PTGES3: variants seen among roughly 807,000 people sequenced by gnomAD.
The protein encoded by PTGES3 is Hsp90 co-chaperone.
PTGES3 carries 5 observed loss-of-function variants against 29.9 expected under a neutral mutation model. The observed-to-expected ratio is 0.17, with a 90% CI of 0.09 to 0.35. The LOEUF is 0.35. PTGES3 is among the 10% of genes least tolerant of loss of function. PTGES3 has a pLI of 1.00. For missense variants in PTGES3, 128 were observed against 190.0 expected, an observed-to-expected ratio of 0.67 and a Z score of 1.92; for synonymous variants, 49 against 57.8, an observed-to-expected ratio of 0.85 and a Z score of 0.69.
chr12:56,687,879 C>T (rs1007484508), intron 1 of PTGES3, 119 bp downstream of exon 1: 183 of 1,572,642 alleles, frequency 1.2e-4, no homozygotes, highest in Non-Finnish European at 1.6e-4. Flanking sequence ...CCTCCCGCCC[C>T]CAGGCAGGAA....
intron 6 of PTGES3, chr12:56,665,102 A>G (rs1311915987): frequency 1.0e-6 from 1 of 985,242 alleles, no homozygotes; most frequent in African/African-American, 1.7e-5. Context: ...ATGGATCAAT[A>G]TGAAGAAAAA....
intron 1 of PTGES3, among the ~76,000 whole-genome samples, chr12:56,685,716 A>AT (rs1252324007): frequency 2.4e-5 from 3 of 126,476 alleles, no homozygotes; most frequent in African/African-American, 9.0e-5. Context: ...TAGCATTTTT[A>AT]TTTTTTAACT....
chr12:56,676,003 G>A (rs1952221882), intron 1 of PTGES3, among the ~76,000 whole-genome samples: 1 of 151,984 alleles, frequency 6.6e-6, no homozygotes, highest in Non-Finnish European at 1.5e-5. Flanking sequence ...AAGGCTGATG[G>A]ATCACCTGGG....
chr12:56,677,580 T>C (rs1952315726), intron 1 of PTGES3, among the ~76,000 whole-genome samples: 1 of 152,118 alleles, frequency 6.6e-6, no homozygotes, highest in Admixed American at 6.6e-5. Context: ...ATCAATGGAA[T>C]GTGTATGGCT....
intron 1 of PTGES3, 160 bp downstream of exon 1, chr12:56,687,838 C>A: frequency 6.8e-7 from 1 of 1,477,062 alleles, no homozygotes; most frequent in Non-Finnish European, 8.9e-7. Flanking sequence ...GTCCTCCACC[C>A]GCCAACGGTA....
At chr12:56,671,668 A>T in intron 4 of PTGES3, 81 bp downstream of exon 4, 1 of 862,616 alleles carries the variant, frequency 1.2e-6, no homozygotes, top group South Asian at 2.2e-5. Context: ...ACACAGCCAT[A>T]TTCCTTACAT....
intron 4 of PTGES3, 52 bp downstream of exon 4, chr12:56,671,697 A>T (rs1952013382): frequency 8.4e-7 from 1 of 1,185,330 alleles, no homozygotes; most frequent in Non-Finnish European, 1.2e-6. Flanking sequence ...TACATCTTTT[A>T]TTACCTAAAA....
chr12:56,681,314 G>A (rs894625581), intron 1 of PTGES3, among the ~76,000 whole-genome samples: 1 of 151,774 alleles, frequency 6.6e-6, no homozygotes, highest in East Asian at 1.9e-4. Flanking sequence ...CGAGGAGGGC[G>A]GATCACGAGG....
Position 56,664,421 on chromosome 12 carries a change from T to C in PTGES3, c.*58A>G. On this transcript the variant is annotated 3_prime_UTR_variant, in exon 8 of 8. Coordinates refer to ENST00000262033, the MANE Select transcript of PTGES3 (RefSeq NM_006601.7). ...ATCAACTCAGGAATTCTCTCAATTATGAAATCTTGCAGAGAAGTTATTTTT... is the reference window on the plus strand; with the variant it reads ...ATCAACTCAGGAATTCTCTCAATTACGAAATCTTGCAGAGAAGTTATTTTT... The C allele has an allele frequency of 6.3e-7, 1 of 1,588,894 alleles. No individual in the cohort carries two copies. Among genetic ancestry groups the C allele is most frequent in the Non-Finnish European group, 8.6e-7 (1 of 1,164,494 alleles).
intron 5 of PTGES3, among the ~76,000 whole-genome samples, chr12:56,667,262 A>C (rs1951825517): frequency 1.3e-5 from 2 of 152,240 alleles, no homozygotes; most frequent in African/African-American, 4.8e-5. Context: ...AGAACCAAGA[A>C]ATGATTTAAA....
intron 1 of PTGES3, among the ~76,000 whole-genome samples, chr12:56,674,390 T>C (rs1405208217): frequency 6.6e-6 from 1 of 152,108 alleles, no homozygotes; most frequent in African/African-American, 2.4e-5. Context: ...GTGTGATACT[T>C]TCTTATGAAA....
At chr12:56,686,396 G>A (rs1368710305) in intron 1 of PTGES3, among the ~76,000 whole-genome samples, 2 of 151,556 alleles carry the variant, frequency 1.3e-5, no homozygotes, top group East Asian at 3.9e-4. Context: ...ATTTTGAGAC[G>A]GGTTTTCACT....
At chr12:56,674,825 CAAAAA>C (rs869222252) in intron 1 of PTGES3, among the ~76,000 whole-genome samples, 1,833 of 15,918 alleles carry the variant, frequency 0.12, 36 homozygotes, top group Middle Eastern at 0.25. Flanking sequence ...GACTCCATCT[CAAAAA>C]AAAAAAAAAA....
intron 5 of PTGES3, among the ~76,000 whole-genome samples, chr12:56,667,066 G>C (rs927916261): frequency 3.3e-5 from 5 of 152,080 alleles, no homozygotes; most frequent in African/African-American, 1.2e-4. Context: ...ATTACAGGCA[G>C]ATGCCACCAC....
chr12:56,676,761 A>G (rs2137661043), intron 1 of PTGES3, among the ~76,000 whole-genome samples: 1 of 151,780 alleles, frequency 6.6e-6, no homozygotes, highest in East Asian at 1.9e-4. Flanking sequence ...CATCGCTACT[A>G]AAAATACAAA....
rs531616103 is a variant in PTGES3 at position 56,664,513 on chromosome 12, A to T, written c.464-15T>A. ...ATCTGGCATTTCTGAAAGAATTTTTAAAAATATTAGTATATAGTACAAGTG... is the reference window on the plus strand; with the variant it reads ...ATCTGGCATTTCTGAAAGAATTTTTTAAAATATTAGTATATAGTACAAGTG... On this transcript the variant is annotated splice_polypyrimidine_tract_variant and intron_variant, in intron 7 of 7. Coordinates refer to ENST00000262033, the MANE Select transcript of PTGES3 (RefSeq NM_006601.7). The T allele has an allele frequency of 1.8e-5, 29 of 1,588,194 alleles. No homozygotes were observed. The East Asian group carries it at 4.3e-4, about 23-fold the overall frequency.
intron 1 of PTGES3, 140 bp from the exon 2 acceptor site, chr12:56,673,205 G>C (rs1952077211): frequency 1.8e-6 from 1 of 551,822 alleles, no homozygotes; most frequent in Admixed American, 3.7e-5. Flanking sequence ...TACCCTAACA[G>C]CTACATTCCA....
At chr12:56,678,604 TG>T (rs1214264962) in intron 1 of PTGES3, among the ~76,000 whole-genome samples, 2 of 152,204 alleles carry the variant, frequency 1.3e-5, no homozygotes, top group Non-Finnish European at 2.9e-5. Flanking sequence ...TTTTTTATAG[TG>T]AAGGGTGCTT....
intron 1 of PTGES3, among the ~76,000 whole-genome samples, chr12:56,684,050 T>C (rs1952710206): frequency 6.6e-6 from 1 of 152,146 alleles, no homozygotes; most frequent in South Asian, 2.1e-4. Context: ...CAATACACTA[T>C]TTCCATAGCA....
Sources: gnomAD v4.1 joint callset for allele counts (sites outside exome capture counted in the v4.1 genomes callset) on GRCh38, gnomAD v4.1.1 for gene constraint, MANE v1.5 for transcripts, NCBI Gene and HGNC (gene_info 2026-07-23, HGNC 2026-07-21) for gene names.